RUFY1: variants seen among roughly 807,000 people sequenced by gnomAD.
The protein encoded by RUFY1 is RUN and FYVE domain-containing protein 1.
RUFY1 carries 54 observed loss-of-function variants against 94.6 expected under a neutral mutation model. The ratio of observed to expected loss-of-function variants is 0.57; its 90% CI spans 0.46 to 0.72. RUFY1 has a LOEUF of 0.72. RUFY1 is among the 30% of genes least tolerant of loss of function. The probability of loss-of-function intolerance (pLI) is 0.00; values close to 1 mark genes in which losing one functional copy is unlikely to be tolerated. For synonymous variants in RUFY1, 396 were observed against 347.3 expected, an observed-to-expected ratio of 1.14 and a Z score of -1.56; for missense variants, 883 against 883.9, an observed-to-expected ratio of 1.00 and a Z score of 0.01.
intron 6 of RUFY1, among the ~76,000 whole-genome samples, chr5:179,579,215 A>G (rs934118025): frequency 6.6e-6 from 1 of 152,236 alleles, no homozygotes; most frequent in Non-Finnish European, 1.5e-5. Context: ...CAAGAACCAC[A>G]CTAAAGCTTC....
At position 179,581,413 on chromosome 5, in the gene RUFY1, A is replaced by G. The variant is rs550454977; in HGVS notation, c.956+401A>G. On this transcript the variant is annotated intron_variant, in intron 7 of 17. Coordinates refer to ENST00000319449, the MANE Select transcript of RUFY1 (RefSeq NM_025158.5). ...GCTAGGCCCTCCAGAGCAATGTACT[A>G]GTGATCACCGGCATCTTTATCTTGA... Among the ~76,000 whole-genome samples, 30 of 148,214 alleles carry G rather than the reference A, an allele frequency of 2.0e-4. No homozygotes were observed. In the South Asian group the frequency reaches 6.3e-3, roughly 31 times the overall value.
intron 9 of RUFY1, 61 bp from the exon 10 acceptor site, chr5:179,591,564 T>C: frequency 1.0e-6 from 1 of 1,002,534 alleles, no homozygotes; most frequent in Admixed American, 2.2e-5. Flanking sequence ...TTTGAAATAC[T>C]TCATAATTAG....
At chr5:179,559,771 G>T in intron 1 of RUFY1, 1 of 1,229,488 alleles carries the variant, frequency 8.1e-7, no homozygotes, top group East Asian at 3.9e-5. Context: ...GCGCGGAGCC[G>T]TCTGGGAGAG....
chr5:179,562,816 T>G lies in RUFY1; in HGVS notation c.602+152T>G, dbSNP rs1581432325. On this transcript the variant is annotated intron_variant, in intron 3 of 17. Coordinates refer to ENST00000319449, the MANE Select transcript of RUFY1 (RefSeq NM_025158.5). The stretch of plus-strand genomic sequence containing the variant: ...ATCTCTAGCAAGACTTGACTCTCTC[T>G]GAGCCTCAGTTTCCTTTTCTTTAAA... 6 of 590,510 alleles carry G rather than the reference T, an allele frequency of 1.0e-5. No individual in the cohort carries two copies. The East Asian group carries it at 1.7e-4, about 17-fold the overall frequency. The allele number at this position is 590,510 out of a possible 1,614,324, so 36.6% of individuals were successfully genotyped here. A position where few individuals can be genotyped will look rare whatever the true frequency, so the allele number is the denominator to read the frequency against.
intron 15 of RUFY1, chr5:179,603,756 T>G (rs1318651096): frequency 2.0e-5 from 3 of 152,164 alleles, no homozygotes; most frequent in African/African-American, 7.2e-5. Context: ...TGGTCTCTGA[T>G]CTTTAAAATG....
At chr5:179,557,962 C>T (rs908298419) in intron 1 of RUFY1, among the ~76,000 whole-genome samples, 2 of 151,948 alleles carry the variant, frequency 1.3e-5, no homozygotes, top group African/African-American at 4.8e-5. Flanking sequence ...AGTGAGTTGC[C>T]CTTCTTTAGA....
intron 17 of RUFY1, chr5:179,608,630 C>G: frequency 1.0e-6 from 1 of 985,356 alleles, no homozygotes; most frequent in South Asian, 4.7e-5. Context: ...AACTTTTTGT[C>G]TTAAAAACAC....
At chr5:179,603,312 G>A (rs1434835183) in intron 15 of RUFY1, among the ~76,000 whole-genome samples, 1 of 151,816 alleles carries the variant, frequency 6.6e-6, no homozygotes, top group Non-Finnish European at 1.5e-5. Context: ...TGTCTCTGGT[G>A]GGAATGCGGT....
chr5:179,559,494 G>T (rs760919420), intron 1 of RUFY1, among the ~76,000 whole-genome samples: 59 of 152,218 alleles, frequency 3.9e-4, no homozygotes, highest in Admixed American at 2.0e-3. Context: ...AAGAGAGAAG[G>T]CTGGAAAAGC....
Position 179,593,737 on chromosome 5 carries a change from A to T in RUFY1, c.1413+92A>T, listed in dbSNP as rs112465862. 8.9e-4 allele frequency: 1,337 copies of T among 1,510,462 alleles called. 15 individuals carry two copies. The African/African-American group carries it at 0.017, about 19-fold the overall frequency. 93.6% of individuals were successfully genotyped at this position (1,510,462 alleles called of 1,614,324 possible). On this transcript the variant is annotated intron_variant, in intron 11 of 17. Transcript: ENST00000319449. ...TCTTACAAAATGAGCGAGTAGACACATAGAGCCCCTCGTATGTGTCAGACC... is the reference window on the plus strand; with the variant it reads ...TCTTACAAAATGAGCGAGTAGACACTTAGAGCCCCTCGTATGTGTCAGACC...
intron 16 of RUFY1, 27 bp from the exon 17 acceptor site, chr5:179,607,555 G>A: frequency 1.2e-6 from 2 of 1,608,340 alleles, no homozygotes; most frequent in Non-Finnish European, 1.7e-6. Context: ...ACAGAAAGTG[G>A]ATTCTAGAAT....
Position 179,593,505 on chromosome 5 carries a change from A to C in RUFY1, c.1273A>C (p.Ile425Leu). The C allele has an allele frequency of 6.2e-7, 1 of 1,606,204 alleles. No individual in the cohort carries two copies. The highest frequency in any genetic ancestry group is 8.5e-7 in the Non-Finnish European group (1 of 1,172,720). Residue 425 changes from isoleucine to leucine, a missense_variant, in exon 11 of 18, where the codon ATT (isoleucine) becomes CTT (leucine). By Grantham distance (5) the Ile-to-Leu change is conservative. Coordinates refer to ENST00000319449, the MANE Select transcript of RUFY1 (RefSeq NM_025158.5). ...LELEKELELQIGMKTEMEIAM... is the reference protein window; with the variant it reads ...LELEKELELQLGMKTEMEIAM... Reference sequence around the variant, plus strand: ...ACTGGAAAAAGAACTGGAGTTACAAATTGGAATGAAAACCGAAATGGAAAT... The same window carrying C: ...ACTGGAAAAAGAACTGGAGTTACAACTTGGAATGAAAACCGAAATGGAAAT...
At chr5:179,563,727 A>G (rs1269806075) in intron 3 of RUFY1, among the ~76,000 whole-genome samples, 1 of 151,818 alleles carries the variant, frequency 6.6e-6, no homozygotes, top group Non-Finnish European at 1.5e-5. Flanking sequence ...GCTGGAGTGC[A>G]GTGGCACAAT....
intron 1 of RUFY1, chr5:179,559,763 G>A: frequency 8.5e-7 from 1 of 1,182,152 alleles, no homozygotes; most frequent in Non-Finnish European, 1.0e-6. Context: ...GTAGCAACGC[G>A]CGGAGCCGTC....
chr5:179,562,076 T>C (rs187659245), intron 2 of RUFY1, among the ~76,000 whole-genome samples: 283 of 152,012 alleles, frequency 1.9e-3, no homozygotes, highest in African/African-American at 6.6e-3. Flanking sequence ...AAAGAGAGAC[T>C]AATTTATTAC....
At chr5:179,569,220 G>A (rs1763044727) in intron 4 of RUFY1, 82 bp from the exon 5 acceptor site, 2 of 1,605,748 alleles carry the variant, frequency 1.2e-6, no homozygotes, top group Non-Finnish European at 1.7e-6. Flanking sequence ...GGGCACAGGT[G>A]AAAAGGCAGT....
At chr5:179,608,665 T>G in intron 17 of RUFY1, 1 of 983,026 alleles carries the variant, frequency 1.0e-6, no homozygotes. Context: ...CGGTGGCTCA[T>G]GACTGTAATC....
At chr5:179,576,521 A>G (rs1049652324) in intron 5 of RUFY1, among the ~76,000 whole-genome samples, 19 of 152,184 alleles carry the variant, frequency 1.2e-4, no homozygotes, top group African/African-American at 3.1e-4. Context: ...CCCAGGTTCA[A>G]GCGATTCTCC....
In RUFY1 at chr5:179,560,013, C is replaced by T. The variant is rs1420813335; in HGVS notation, c.311-12C>T. 6.2e-7 allele frequency: 1 copy of T among 1,611,228 alleles called. No individual in the cohort carries two copies. Among genetic ancestry groups the T allele is most frequent in the Non-Finnish European group, 8.5e-7 (1 of 1,178,684 alleles). On this transcript the variant is annotated splice_polypyrimidine_tract_variant and intron_variant, in intron 1 of 17. Coordinates refer to ENST00000319449, the MANE Select transcript of RUFY1 (RefSeq NM_025158.5). The stretch of plus-strand genomic sequence containing the variant: ...GTCCACTAACGAAGCTATCCCTGCT[C>T]CTGCCCCACAGCTTCTAAGTGCCAG...
Sources: allele counts gnomAD v4.1 joint callset (sites outside exome capture counted in the v4.1 genomes callset), GRCh38; gene constraint gnomAD v4.1.1; transcripts MANE v1.5; gene names NCBI Gene and HGNC (gene_info 2026-07-23, HGNC 2026-07-21).